PARD3B: variants seen among roughly 807,000 people sequenced by gnomAD.
The protein encoded by PARD3B is par-3 family cell polarity regulator beta, also known as partitioning defective 3 homolog B.
In PARD3B, 103 loss-of-function variants were observed where a neutral mutation model predicts 130.2. That is an observed-to-expected ratio of 0.79 (90% confidence interval 0.67 to 0.93). The LOEUF (loss-of-function observed/expected upper bound fraction) is 0.93, where lower values mean the gene tolerates loss of function less well. Ranked by LOEUF, PARD3B falls within the 40% of genes least tolerant of loss-of-function variation. PARD3B has a pLI of 0.00. For synonymous variants in PARD3B, 583 were observed against 553.2 expected, an observed-to-expected ratio of 1.05 and a Z score of -0.76; for missense variants, 1,609 against 1,499.2, an observed-to-expected ratio of 1.07 and a Z score of -1.21.
chr2:205,504,113 C>T (rs1355704023), intron 21 of PARD3B, among the ~76,000 whole-genome samples: 1 of 152,078 alleles, frequency 6.6e-6, no homozygotes, highest in Non-Finnish European at 1.5e-5. Context: ...TCTGATCTTT[C>T]ACAAACCTAA....
At chr2:204,736,688 A>C (rs1460642492) in intron 2 of PARD3B, among the ~76,000 whole-genome samples, 1 of 152,168 alleles carries the variant, frequency 6.6e-6, no homozygotes, top group Non-Finnish European at 1.5e-5. Flanking sequence ...AGTTGATGGC[A>C]TTTAGATTGG....
At chr2:205,521,483 G>A (rs566539086) in intron 21 of PARD3B, among the ~76,000 whole-genome samples, 3 of 151,864 alleles carry the variant, frequency 2.0e-5, no homozygotes, top group East Asian at 3.9e-4. Context: ...TTATTTTTGT[G>A]TAAACAAACC....
At position 204,625,312 on chromosome 2, in the gene PARD3B, C is replaced by T. The variant is rs984857597; in HGVS notation, c.121-60869C>T. On this transcript the variant is annotated intron_variant, in intron 1 of 22. Transcript: ENST00000406610. ...AGATTCATGGGCAGAGGAAAGAGTG[C>T]CATCTACTGAAGCTTGGGCATCGGT... is the stretch of plus-strand genomic sequence containing the variant. 9.2e-5 allele frequency among the ~76,000 whole-genome samples: 14 copies of T among 152,046 alleles called. No homozygotes were observed. In the South Asian group the frequency reaches 2.1e-3, roughly 23 times the overall value.
chr2:205,420,357 T>C lies in PARD3B; in HGVS notation c.2741+19234T>C, dbSNP rs138732845. 2.5e-3 allele frequency among the ~76,000 whole-genome samples: 374 copies of C among 152,326 alleles called. 7 individuals carry two copies. The highest frequency in any genetic ancestry group is 8.6e-3 in the African/African-American group (358 of 41,568). On this transcript the variant is annotated intron_variant, in intron 19 of 22. Transcript: ENST00000406610. ...TAGTAGTATTAGGTCATTTAGCCTTTTTCCTTTGGGGCAGGTACTATTATA... is the reference window on the plus strand; with the variant it reads ...TAGTAGTATTAGGTCATTTAGCCTTCTTCCTTTGGGGCAGGTACTATTATA...
intron 3 of PARD3B, among the ~76,000 whole-genome samples, chr2:205,003,321 A>G (rs551903833): frequency 6.6e-6 from 1 of 152,046 alleles, no homozygotes; most frequent in Non-Finnish European, 1.5e-5. Flanking sequence ...TAATTTCTCC[A>G]TAATAGGTTC....
At chr2:204,618,572 T>C (rs1007712872) in intron 1 of PARD3B, among the ~76,000 whole-genome samples, 9 of 152,188 alleles carry the variant, frequency 5.9e-5, no homozygotes, top group Admixed American at 5.2e-4. Flanking sequence ...CCTAGAAACA[T>C]TTCTTTGCAT....
intron 20 of PARD3B, among the ~76,000 whole-genome samples, chr2:205,477,700 T>A (rs1222056356): frequency 6.6e-6 from 1 of 152,186 alleles, no homozygotes; most frequent in African/African-American, 2.4e-5. Flanking sequence ...GATTTCAGTA[T>A]AGAGTCAGCC....
intron 1 of PARD3B, among the ~76,000 whole-genome samples, chr2:204,605,471 A>G (rs765856117): frequency 1.3e-5 from 2 of 152,186 alleles, no homozygotes; most frequent in Non-Finnish European, 2.9e-5. Context: ...GATCCGTTTT[A>G]TATATGGCAC....
At chr2:205,409,315 G>A (rs1231035153) in intron 19 of PARD3B, among the ~76,000 whole-genome samples, 5 of 152,098 alleles carry the variant, frequency 3.3e-5, no homozygotes, top group African/African-American at 1.2e-4. Flanking sequence ...TGGCATAGTA[G>A]CCATACACCC....
At chr2:205,277,661 G>GA (rs2041003816) in intron 16 of PARD3B, among the ~76,000 whole-genome samples, 1 of 152,110 alleles carries the variant, frequency 6.6e-6, no homozygotes, top group Non-Finnish European at 1.5e-5. Context: ...GGAGGGAACT[G>GA]ATGTCTTTGA....
Position 205,105,160 on chromosome 2 carries a change from C to T in PARD3B, c.593+646C>T, listed in dbSNP as rs1380267178. Among the ~76,000 whole-genome samples the T allele has an allele frequency of 6.6e-6, 1 of 152,084 alleles. No individual in the cohort carries two copies. The highest frequency in any genetic ancestry group is 2.4e-5 in the African/African-American group (1 of 41,400). ...TTAGACAAGTTACTCATTTCTCTTT[C>T]TCTTAGTTTCTAGTCTGTAGAATGG... On this transcript the variant is annotated intron_variant, in intron 5 of 22. Coordinates refer to ENST00000406610, the MANE Select transcript of PARD3B (RefSeq NM_001302769.2). The surrounding 1 kb of genome is among the most constrained non-coding windows in gnomAD (Gnocchi z 4.0).
chr2:205,041,858 A>G (rs1310193745), intron 3 of PARD3B, among the ~76,000 whole-genome samples: 1 of 151,982 alleles, frequency 6.6e-6, no homozygotes, highest in African/African-American at 2.4e-5. Context: ...ATGTTATGTG[A>G]TTCTTCAGGA....
At chr2:205,140,132 G>A (rs1341634134) in intron 10 of PARD3B, among the ~76,000 whole-genome samples, 2 of 152,216 alleles carry the variant, frequency 1.3e-5, no homozygotes, top group Non-Finnish European at 2.9e-5. Context: ...AGGCCAGGGC[G>A]GAGTAATGGC....
rs1461015859 is a variant in PARD3B at position 205,351,794 on chromosome 2, G to GA, written c.2631-49216dup. Among the ~76,000 whole-genome samples, 2 of 96,590 alleles carry GA rather than the reference G, an allele frequency of 2.1e-5. No homozygotes were observed. The highest frequency in any genetic ancestry group is 5.1e-5 in the Non-Finnish European group (2 of 39,356). The allele number at this position is 96,590 out of a possible 152,430, so 63.4% of individuals were successfully genotyped here. A position where few individuals can be genotyped will look rare whatever the true frequency, so the allele number is the denominator to read the frequency against. On this transcript the variant is annotated intron_variant, in intron 18 of 22. Coordinates refer to ENST00000406610, the MANE Select transcript of PARD3B (RefSeq NM_001302769.2). This position sits in a 1 kb window ranked among gnomAD's most constrained non-coding sequence, Gnocchi z 4.2. ...ATTAAAGTAAGTGTAATGTAGGGCAGAAACAAGAAAAAAAAAAAACGTTGG... is the reference window on the plus strand; with the variant it reads ...ATTAAAGTAAGTGTAATGTAGGGCAGAAAACAAGAAAAAAAAAAAACGTTGG...
chr2:204,778,241 C>G (rs2041709821), intron 2 of PARD3B, among the ~76,000 whole-genome samples: 3 of 151,728 alleles, frequency 2.0e-5, no homozygotes, highest in Admixed American at 2.0e-4. Context: ...ACATTTCTTG[C>G]CAACTTGGAT....
Position 205,270,491 on chromosome 2 carries a change from C to T in PARD3B, c.2185+24669C>T, listed in dbSNP as rs377377283. Among the ~76,000 whole-genome samples, 14 of 151,740 alleles carry T rather than the reference C, an allele frequency of 9.2e-5. No homozygotes were observed. The South Asian group carries it at 1.5e-3, about 16-fold the overall frequency. On this transcript the variant is annotated intron_variant, in intron 16 of 22. Coordinates refer to ENST00000406610, the MANE Select transcript of PARD3B (RefSeq NM_001302769.2). ...CTGAGGCAGGAATATCGCTTGAACC[C>T]GGGAGGCGGAGGTTGCAGTGAGCCA...
intron 21 of PARD3B, among the ~76,000 whole-genome samples, chr2:205,507,194 G>GTTT (rs1245448537): frequency 9.1e-4 from 23 of 25,326 alleles, no homozygotes; most frequent in Admixed American, 3.7e-3. Context: ...GACAGGTGCA[G>GTTT]TATTTTTTTT....
At chr2:204,962,396 A>C (rs1477817176) in intron 2 of PARD3B, among the ~76,000 whole-genome samples, 1 of 152,116 alleles carries the variant, frequency 6.6e-6, no homozygotes, top group Non-Finnish European at 1.5e-5. Flanking sequence ...AGTTTACTCT[A>C]AGCGAAACCT....
chr2:204,842,538 A>G (rs2044294220), intron 2 of PARD3B, among the ~76,000 whole-genome samples: 1 of 152,086 alleles, frequency 6.6e-6, no homozygotes, highest in Non-Finnish European at 1.5e-5. Flanking sequence ...ATGGAGAGGG[A>G]GATTCTCTCT....
Sources: gnomAD v4.1 joint callset for allele counts (sites outside exome capture counted in the v4.1 genomes callset) on GRCh38, gnomAD v4.1.1 for gene constraint, Gnocchi (gnomAD v3.1) non-coding constraint, MANE v1.5 for transcripts, NCBI Gene and HGNC (gene_info 2026-07-23, HGNC 2026-07-21) for gene names.